The following FRMD6 variants were observed in gnomAD, a reference collection of about 807,000 sequenced individuals.
The protein encoded by FRMD6 is FERM domain containing 6.
A neutral mutation model predicts 73.2 loss-of-function variants in FRMD6; 37 were observed. That is an observed-to-expected ratio of 0.51 (90% CI 0.39 to 0.66). The LOEUF is 0.66. FRMD6 is among the 30% of genes least tolerant of loss of function. FRMD6 has a pLI of 0.00. For synonymous variants in FRMD6, 273 were observed against 282.2 expected (o/e 0.97, Z 0.33); for missense variants, 714 against 780.5 (o/e 0.91, Z 1.02).
intron 1 of FRMD6, among the ~76,000 whole-genome samples, chr14:51,514,614 A>G (rs1983730): frequency 0.58 from 88,770 of 152,152 alleles, 27,045 homozygotes; most frequent in African/African-American, 0.75. Context: ...TTAGGAGGCC[A>G]AGGCAGGCAG....
the FRMD6 span, among the ~76,000 whole-genome samples, chr14:51,428,270 GC>G: frequency 2.0e-5 from 3 of 152,092 alleles, no homozygotes; most frequent in African/African-American, 4.8e-5. Flanking sequence ...TGCCCAGGCT[GC>G]CCCCCACCCG....
At chr14:51,635,872 GA>G in intron 2 of FRMD6, among the ~76,000 whole-genome samples, 1 of 152,160 alleles carries the variant, frequency 6.6e-6, no homozygotes, top group East Asian at 1.9e-4. Flanking sequence ...GCTTTATGTA[GA>G]AAAACACTCC....
At chr14:51,666,921 G>T (rs1893637914) in intron 1 of FRMD6, among the ~76,000 whole-genome samples, 1 of 152,174 alleles carries the variant, frequency 6.6e-6, no homozygotes, top group South Asian at 2.1e-4. Flanking sequence ...CTTTGCTGGA[G>T]CCCCGAAGTT....
intron 2 of FRMD6, among the ~76,000 whole-genome samples, chr14:51,630,442 T>TA (rs552553281): frequency 3.7e-4 from 56 of 152,094 alleles, no homozygotes; most frequent in African/African-American, 1.3e-3. Flanking sequence ...AACTGAGAAT[T>TA]AAAAAAACAA....
At chr14:51,492,919 C>T (rs1883099670) in intron 1 of FRMD6, among the ~76,000 whole-genome samples, 1 of 152,166 alleles carries the variant, frequency 6.6e-6, no homozygotes, top group Non-Finnish European at 1.5e-5. Flanking sequence ...CATGCTGCGT[C>T]CACCATGGCG....
chr14:51,449,927 C>A, the FRMD6 span, among the ~76,000 whole-genome samples: 1 of 152,208 alleles, frequency 6.6e-6, no homozygotes, highest in Non-Finnish European at 1.5e-5. Flanking sequence ...GGGATTTCAG[C>A]TATTCCTGAT....
In FRMD6 at chr14:51,710,809, G is replaced by A. The variant is rs112726746; in HGVS notation, c.715-722G>A. The stretch of plus-strand genomic sequence containing the variant: ...TACTTATTACAGATGAGCACTTAAA[G>A]GATGTGGCTGAATTTTAAAGTGAAT... On this transcript the variant is annotated intron_variant, in intron 7 of 13. Coordinates refer to ENST00000344768, the MANE Select transcript of FRMD6 (RefSeq NM_001267046.2). Among the ~76,000 whole-genome samples, 1,026 of 152,156 alleles carry A rather than the reference G, an allele frequency of 6.7e-3. 14 individuals are homozygous for A. Among genetic ancestry groups the A allele is most frequent in the African/African-American group, 0.024 (980 of 41,522 alleles).
chr14:51,630,845 G>T (rs1891308827), intron 2 of FRMD6, among the ~76,000 whole-genome samples: 1 of 152,060 alleles, frequency 6.6e-6, no homozygotes, highest in African/African-American at 2.4e-5. Flanking sequence ...TTTTACAATG[G>T]CCAATTATTA....
At chr14:51,408,027 T>G in the FRMD6 span, among the ~76,000 whole-genome samples, 1 of 152,218 alleles carries the variant, frequency 6.6e-6, no homozygotes, top group Non-Finnish European at 1.5e-5. Context: ...TTTTCAATCT[T>G]TAGTGTTCTG....
chr14:51,583,543 T>C (rs1416065937), intron 2 of FRMD6, among the ~76,000 whole-genome samples: 3 of 152,210 alleles, frequency 2.0e-5, no homozygotes, highest in African/African-American at 7.2e-5. Flanking sequence ...CTTCCATGTG[T>C]TTTCATATAT....
the FRMD6 span, among the ~76,000 whole-genome samples, chr14:51,427,165 A>T: frequency 2.6e-5 from 4 of 152,202 alleles, no homozygotes; most frequent in African/African-American, 9.7e-5. Context: ...GCAAGGTGGA[A>T]AATCGGTTTA....
rs1044476905 is a variant in FRMD6 at position 51,720,080 on chromosome 14, C to T, written c.1050C>T (p.Tyr350=). The T allele has an allele frequency of 1.2e-6, 2 of 1,613,030 alleles. No homozygotes were observed. The change falls in exon 11 of 14, where the codon TAC becomes TAT. Residue 350 remains tyrosine, a synonymous_variant. Coordinates refer to ENST00000344768, the MANE Select transcript of FRMD6 (RefSeq NM_001267046.2). ...NEEKKQYRES[Y]ISDNLDLDMD... ...AGAAGAAGCAGTACCGGGAATCTTA[C>T]ATCAGTGACAACCTGGACCTCGACA...
intron 1 of FRMD6, among the ~76,000 whole-genome samples, chr14:51,495,892 A>G (rs952992698): frequency 4.6e-5 from 7 of 152,182 alleles, no homozygotes; most frequent in African/African-American, 9.6e-5. Flanking sequence ...CCAAGATGTG[A>G]ACTATATTTA....
At chr14:51,536,064 A>G (rs1885865886) in intron 1 of FRMD6, among the ~76,000 whole-genome samples, 1 of 133,366 alleles carries the variant, frequency 7.5e-6, no homozygotes, top group African/African-American at 3.0e-5. Context: ...ATTGCATTAT[A>G]TTATATATAT....
intron 2 of FRMD6, among the ~76,000 whole-genome samples, chr14:51,572,264 ACC>A (rs996777790): frequency 6.6e-6 from 1 of 152,256 alleles, no homozygotes; most frequent in African/African-American, 2.4e-5. Flanking sequence ...AGATCAAAGG[ACC>A]AGAAGAGGAT....
the FRMD6 span, among the ~76,000 whole-genome samples, chr14:51,423,939 A>G: frequency 8.5e-5 from 13 of 152,256 alleles, no homozygotes; most frequent in African/African-American, 3.1e-4. Context: ...TCTTGAATAC[A>G]AAATGTCTAC....
upstream of FRMD6, chr14:51,651,456 T>TGGAGGGAGCGCCC: frequency 6.6e-6 from 1 of 152,318 alleles, no homozygotes; most frequent in East Asian, 1.9e-4. Flanking sequence ...GACTCGGCTC[T>TGGAGGGAGCGCCC]GGAGGGAGCG....
At chr14:51,696,476 C>T (rs537701742) in intron 2 of FRMD6, among the ~76,000 whole-genome samples, 5 of 151,664 alleles carry the variant, frequency 3.3e-5, no homozygotes, top group African/African-American at 9.7e-5. Context: ...TAAAGACTAT[C>T]AGTTAACTTT....
intron 10 of FRMD6, among the ~76,000 whole-genome samples, chr14:51,719,818 T>C (rs957596283): frequency 2.0e-5 from 3 of 152,254 alleles, no homozygotes; most frequent in African/African-American, 4.8e-5. Context: ...CCACTCTTCT[T>C]ATACTGCTTG....
Sources: allele counts gnomAD v4.1 joint callset (sites outside exome capture counted in the v4.1 genomes callset), GRCh38; gene constraint gnomAD v4.1.1; transcripts MANE v1.5; gene names NCBI Gene and HGNC (gene_info 2026-07-23, HGNC 2026-07-21).